ADGRL3: variants seen among roughly 807,000 people sequenced by gnomAD.
The protein encoded by ADGRL3 is adhesion G protein-coupled receptor L3.
In ADGRL3, 62 loss-of-function variants were observed where a neutral mutation model predicts 153.5. That is an observed-to-expected ratio of 0.40 (90% CI 0.33 to 0.50). ADGRL3 has a LOEUF of 0.50. ADGRL3 is among the 20% of genes least tolerant of loss of function. ADGRL3 has a pLI of 0.47. For synonymous variants in ADGRL3, 710 were observed against 672.5 expected, an observed-to-expected ratio of 1.06 and a Z score of -0.86; for missense variants, 1,641 against 1,859.4, an observed-to-expected ratio of 0.88 and a Z score of 2.16.
At chr4:61,976,912 T>C (rs1337101589) in intron 17 of ADGRL3, among the ~76,000 whole-genome samples, 1 of 152,130 alleles carries the variant, frequency 6.6e-6, no homozygotes, top group Non-Finnish European at 1.5e-5. Flanking sequence ...AATTCAAGTA[T>C]TGAGTTGTAT....
chr4:62,002,719 A>C (rs1352467920), intron 21 of ADGRL3, among the ~76,000 whole-genome samples: 2 of 152,132 alleles, frequency 1.3e-5, no homozygotes, highest in East Asian at 3.9e-4. Flanking sequence ...TGTTTCATCC[A>C]AATAGGTAAT....
At chr4:61,999,141 C>T (rs2099131864) in intron 21 of ADGRL3, among the ~76,000 whole-genome samples, 2 of 152,148 alleles carry the variant, frequency 1.3e-5, no homozygotes, top group Non-Finnish European at 2.9e-5. Flanking sequence ...CTAAGTTTTA[C>T]CTTCCTCTGA....
chr4:61,882,673 G>A (rs111674530), intron 9 of ADGRL3, among the ~76,000 whole-genome samples: 6 of 152,246 alleles, frequency 3.9e-5, no homozygotes, highest in African/African-American at 1.4e-4. Context: ...CTGCGCTCCA[G>A]CCACATTGCC....
chr4:61,994,313 AT>A (rs374907026), intron 19 of ADGRL3, among the ~76,000 whole-genome samples: 11 of 147,856 alleles, frequency 7.4e-5, no homozygotes, highest in South Asian at 2.2e-4. Context: ...ATCCCCAGCT[AT>A]TTTTTTTTTC....
intron 4 of ADGRL3, among the ~76,000 whole-genome samples, chr4:61,517,982 T>G (rs1273938131): frequency 2.6e-5 from 4 of 152,188 alleles, no homozygotes; most frequent in Non-Finnish European, 4.4e-5. Context: ...GCGTAAAACT[T>G]GGTAAAAAAG....
intron 5 of ADGRL3, among the ~76,000 whole-genome samples, chr4:61,645,148 C>T (rs1292224680): frequency 6.6e-6 from 1 of 151,882 alleles, no homozygotes; most frequent in East Asian, 1.9e-4. Flanking sequence ...GTAGATCTTC[C>T]TCCATGTTTT....
chr4:62,035,934 C>T (rs1378049550), intron 23 of ADGRL3, among the ~76,000 whole-genome samples: 1 of 152,020 alleles, frequency 6.6e-6, no homozygotes, highest in Non-Finnish European at 1.5e-5. Flanking sequence ...AGCACAATTC[C>T]TGACACATAA....
chr4:61,335,752 T>C (rs1289089938), intron 1 of ADGRL3, among the ~76,000 whole-genome samples: 2 of 152,170 alleles, frequency 1.3e-5, no homozygotes, highest in Non-Finnish European at 2.9e-5. Context: ...GAAAGACAAA[T>C]AAATTCGGTG....
chr4:61,838,211 T>C (rs2097966656), intron 9 of ADGRL3, among the ~76,000 whole-genome samples: 1 of 152,110 alleles, frequency 6.6e-6, no homozygotes. Context: ...GAGAAAGAAA[T>C]GTCTATAAAC....
intron 9 of ADGRL3, among the ~76,000 whole-genome samples, chr4:61,816,010 G>A (rs2097684828): frequency 6.6e-6 from 1 of 152,152 alleles, no homozygotes; most frequent in African/African-American, 2.4e-5. Context: ...TGACATAATT[G>A]TTCATCATGA....
chr4:61,362,326 T>C (rs1560519543), intron 1 of ADGRL3, among the ~76,000 whole-genome samples: 1 of 144,664 alleles, frequency 6.9e-6, no homozygotes, highest in African/African-American at 2.5e-5. Context: ...TATTTGAAAA[T>C]TATATATATA....
intron 4 of ADGRL3, among the ~76,000 whole-genome samples, chr4:61,556,299 C>T (rs2098766345): frequency 6.6e-6 from 1 of 151,928 alleles, no homozygotes; most frequent in Non-Finnish European, 1.5e-5. Flanking sequence ...GACTTCTGAG[C>T]AATGGCATAT....
intron 17 of ADGRL3, among the ~76,000 whole-genome samples, chr4:61,979,179 T>C (rs2099058703): frequency 1.3e-5 from 2 of 152,176 alleles, no homozygotes; most frequent in African/African-American, 2.4e-5. Context: ...AAATTGTAAA[T>C]AGTATTCCCT....
intron 1 of ADGRL3, among the ~76,000 whole-genome samples, chr4:61,262,870 C>T (rs2092624274): frequency 1.3e-5 from 2 of 152,028 alleles, no homozygotes; most frequent in African/African-American, 4.8e-5. Context: ...TCTTTAAAAA[C>T]TGCTGTAACT....
chr4:61,458,787 C>A (rs2097780143), intron 2 of ADGRL3, among the ~76,000 whole-genome samples: 1 of 151,144 alleles, frequency 6.6e-6, no homozygotes, highest in Non-Finnish European at 1.5e-5. Flanking sequence ...ATTTTTGGAA[C>A]CCTGTTTTTC....
chr4:61,919,329 T>C (rs749464952), intron 13 of ADGRL3, among the ~76,000 whole-genome samples: 1 of 152,220 alleles, frequency 6.6e-6, no homozygotes, highest in Non-Finnish European at 1.5e-5. Flanking sequence ...CAGGTTCTTG[T>C]GGTTTGGTAA....
intron 6 of ADGRL3, among the ~76,000 whole-genome samples, chr4:61,711,479 T>C (rs1479117869): frequency 2.0e-5 from 2 of 99,072 alleles, no homozygotes; most frequent in African/African-American, 7.7e-5. Context: ...TATATATATA[T>C]ATATATATAT....
intron 1 of ADGRL3, among the ~76,000 whole-genome samples, chr4:61,348,827 T>G (rs1256557198): frequency 6.6e-6 from 1 of 152,022 alleles, no homozygotes; most frequent in Non-Finnish European, 1.5e-5. Flanking sequence ...TTAAATAAAT[T>G]ATTTCTTTGT....
At position 61,263,460 on chromosome 4, in the gene ADGRL3, G is replaced by GA. The variant is rs61654507; in HGVS notation, c.-240+61708dup. 2.6e-3 allele frequency among the ~76,000 whole-genome samples: 343 copies of GA among 132,176 alleles called. 3 individuals carry two copies. The Middle Eastern group carries it at 0.047, about 18-fold the overall frequency. 86.7% of individuals were successfully genotyped at this position (132,176 alleles called of 152,430 possible). On this transcript the variant is annotated intron_variant, in intron 1 of 26. Transcript: ENST00000683033. ...CAGTTGTCTTGCATAGAGTGCATTTGAAAAAAAAAAAAAGACCCTGAAAAA... is the reference window on the plus strand; with the variant it reads ...CAGTTGTCTTGCATAGAGTGCATTTGAAAAAAAAAAAAAAGACCCTGAAAAA...
Sources: gnomAD v4.1 joint callset for allele counts (sites outside exome capture counted in the v4.1 genomes callset) on GRCh38, gnomAD v4.1.1 for gene constraint, MANE v1.5 for transcripts, NCBI Gene and HGNC (gene_info 2026-07-23, HGNC 2026-07-21) for gene names.